Variants in RASL11B observed in about 807,000 individuals in gnomAD.
The protein encoded by RASL11B is RAS like family 11 member B.
Under a neutral mutation model 22.9 loss-of-function variants are expected in RASL11B, and 14 were observed. That is an observed-to-expected ratio of 0.61 (90% CI 0.40 to 0.96). The LOEUF is 0.96. Among genes scored for constraint, RASL11B ranks in the 40% least tolerant of loss-of-function variants. The pLI is 0.00. For synonymous variants in RASL11B, 143 were observed against 130.2 expected, an observed-to-expected ratio of 1.10 and a Z score of -0.67; for missense variants, 261 against 322.0, an observed-to-expected ratio of 0.81 and a Z score of 1.45.
chr4:52,862,942 G>A (rs1011264559), intron 1 of RASL11B, among the ~76,000 whole-genome samples: 1 of 151,034 alleles, frequency 6.6e-6, no homozygotes, highest in African/African-American at 2.4e-5. Context: ...GCACAGAAAG[G>A]GGAGTTAGTG....
At chr4:52,865,306 T>C in intron 3 of RASL11B, 29 bp from the exon 4 acceptor site, 1 of 1,557,792 alleles carries the variant, frequency 6.4e-7, no homozygotes. Flanking sequence ...CTGGCCAGCA[T>C]TCACCTTGCC....
intron 2 of RASL11B, among the ~76,000 whole-genome samples, chr4:52,863,770 C>T (rs1356056378): frequency 6.6e-6 from 1 of 152,154 alleles, no homozygotes; most frequent in Non-Finnish European, 1.5e-5. Context: ...TAAAGTTCCT[C>T]CTTCTTAACA....
chr4:52,863,566 G>T, intron 2 of RASL11B: 2 of 516,630 alleles, frequency 3.9e-6, no homozygotes, highest in Admixed American at 3.2e-5. Context: ...CCCTTGGTAT[G>T]TTTTAACTAT....
At position 52,865,488 on chromosome 4, in the gene RASL11B, C is replaced by T. The variant is rs139603777; in HGVS notation, c.430C>T (p.Arg144Trp). 9.4e-5 allele frequency: 151 copies of T among 1,614,236 alleles called. 1 individual carries two copies. In the African/African-American group the frequency reaches 1.3e-3, roughly 14 times the overall value. The change falls in exon 4 of 4, where the codon CGG becomes TGG. Residue 144 changes from arginine (R) to tryptophan (W), a missense_variant. Coordinates refer to ENST00000248706, the MANE Select transcript of RASL11B (RefSeq NM_023940.3). ...QHVQQLHLGT[R>W]LPVVVVANKA... ...CGTGCAGCAGCTACACCTGGGCACC[C>T]GGCTGCCTGTGGTGGTCGTGGCCAA...
chr4:52,862,763 G>A, intron 1 of RASL11B, 114 bp downstream of exon 1: 1 of 1,249,528 alleles, frequency 8.0e-7, no homozygotes, highest in Non-Finnish European at 1.1e-6. Context: ...CTCCGTCCCC[G>A]CGCAGGGAGC....
intron 2 of RASL11B, 62 bp downstream of exon 2, chr4:52,863,386 C>T: frequency 7.3e-7 from 1 of 1,365,304 alleles, no homozygotes; most frequent in South Asian, 1.2e-5. Flanking sequence ...TTCCCATTTT[C>T]CAGCGCTTCC....
At chr4:52,862,823 T>C (rs950975279) in intron 1 of RASL11B, among the ~76,000 whole-genome samples, 174 bp downstream of exon 1, 4 of 152,222 alleles carry the variant, frequency 2.6e-5, no homozygotes, top group Admixed American at 1.3e-4. Context: ...ACCCGCCTGC[T>C]TCCACAGACG....
Sources: gnomAD v4.1 joint callset for allele counts (sites outside exome capture counted in the v4.1 genomes callset) on GRCh38, gnomAD v4.1.1 for gene constraint, MANE v1.5 for transcripts, NCBI Gene and HGNC (gene_info 2026-07-23, HGNC 2026-07-21) for gene names.